The following IL1R1 variants were observed in gnomAD, a reference collection of about 807,000 sequenced individuals.
IL1R1 encodes the protein interleukin-1 receptor type 1.
IL1R1 carries 22 observed loss-of-function variants against 50.2 expected under a neutral mutation model. That is an observed-to-expected ratio of 0.44 (90% CI 0.31 to 0.63). The LOEUF (loss-of-function observed/expected upper bound fraction) is 0.63, where lower values mean the gene tolerates loss of function less well. IL1R1 is among the 20% of genes least tolerant of loss of function. IL1R1 has a pLI of 0.07. For synonymous variants in IL1R1, 251 were observed against 236.7 expected (o/e 1.06, Z -0.55); for missense variants, 509 against 676.2 (o/e 0.75, Z 2.74).
At chr2:102,076,282 A>T (rs565709779) in intron 1 of IL1R1, among the ~76,000 whole-genome samples, 29 of 150,884 alleles carry the variant, frequency 1.9e-4, no homozygotes, top group Non-Finnish European at 1.3e-4. Context: ...GGTTCACACC[A>T]TTCTCCTGCC....
rs569906944 is a variant in IL1R1 at position 102,176,220 on chromosome 2, C to G, written c.1304-133C>G. On this transcript the variant is annotated intron_variant, in intron 11 of 11. Coordinates refer to ENST00000410023, the MANE Select transcript of IL1R1 (RefSeq NM_000877.4). ...AATTAATTAAAAACATGGGAAACTC[C>G]TTTAATTTTAAGTAAGACAAGAAAA... The G allele has an allele frequency of 1.9e-5, 13 of 699,938 alleles. No homozygotes were observed. In the African/African-American group the frequency reaches 2.2e-4, roughly 12 times the overall value. 43.4% of individuals were successfully genotyped at this position (699,938 alleles called of 1,614,324 possible).
intron 1 of IL1R1, among the ~76,000 whole-genome samples, chr2:102,105,086 A>G (rs1289626599): frequency 6.6e-6 from 1 of 152,206 alleles, no homozygotes; most frequent in Non-Finnish European, 1.5e-5. Context: ...TTTCTGAGTC[A>G]TATTAGGAGA....
In IL1R1 at chr2:102,165,256, G is replaced by GT. The variant is rs1194024100; in HGVS notation, c.444dup (p.Lys149Ter). On this transcript the variant is annotated frameshift_variant, in exon 5 of 12. Coordinates refer to ENST00000410023, the MANE Select transcript of IL1R1 (RefSeq NM_000877.4). LOFTEE classifies it high-confidence loss of function. ...GAGGACTTGTGTGCCCTTATATGGA[G>GT]TTTTTTAAAAATGAAAATAATGAGT... The GT allele has an allele frequency of 6.3e-7, 1 of 1,587,472 alleles. No homozygotes were observed. Among genetic ancestry groups the GT allele is most frequent in the Non-Finnish European group, 8.5e-7 (1 of 1,172,398 alleles).
At chr2:102,072,515 ATTATC>A in intron 1 of IL1R1, among the ~76,000 whole-genome samples, 1 of 152,254 alleles carries the variant, frequency 6.6e-6, no homozygotes, top group African/African-American at 2.4e-5. Context: ...GCATTTTTCT[ATTATC>A]TTAATTCACA....
chr2:102,130,280 G>A (rs1350000740), intron 1 of IL1R1, among the ~76,000 whole-genome samples: 1 of 152,148 alleles, frequency 6.6e-6, no homozygotes, highest in South Asian at 2.1e-4. Context: ...ATAATATAAC[G>A]TATCTTTTTC....
chr2:102,165,443 A>G (rs1685103912), intron 5 of IL1R1, 139 bp downstream of exon 5: 2 of 460,934 alleles, frequency 4.3e-6, no homozygotes, highest in Non-Finnish European at 7.6e-6. Context: ...GGGAACCTAA[A>G]AAGAATTGTA....
intron 7 of IL1R1, among the ~76,000 whole-genome samples, chr2:102,170,106 AG>A (rs1184787780): frequency 1.3e-5 from 2 of 152,238 alleles, no homozygotes; most frequent in African/African-American, 4.8e-5. Flanking sequence ...GCTTCAAATT[AG>A]GAAATAATTA....
At chr2:102,128,614 T>C (rs1393259606) in intron 1 of IL1R1, among the ~76,000 whole-genome samples, 1 of 152,194 alleles carries the variant, frequency 6.6e-6, no homozygotes, top group Non-Finnish European at 1.5e-5. Flanking sequence ...GATAGTATAT[T>C]GTAGAGCTGG....
At chr2:102,141,160 G>A (rs1239097287), upstream of IL1R1, among the ~76,000 whole-genome samples, 6 of 152,190 alleles carry the variant, frequency 3.9e-5, no homozygotes, top group African/African-American at 1.4e-4. Context: ...ATTTGGACAC[G>A]TGGTTGAAGC....
chr2:102,167,258 A>G (rs192576355), intron 6 of IL1R1, among the ~76,000 whole-genome samples: 3 of 152,228 alleles, frequency 2.0e-5, no homozygotes, highest in African/African-American at 4.8e-5. Context: ...ATTCCTTGCC[A>G]TGGTCCCACA....
At chr2:102,141,930 C>T (rs1427614239), upstream of IL1R1, 1 of 152,250 alleles carries the variant, frequency 6.6e-6, no homozygotes, top group Admixed American at 6.5e-5. Flanking sequence ...TGTGATCCTG[C>T]CAGGCGTTCG....
intron 1 of IL1R1, among the ~76,000 whole-genome samples, chr2:102,088,433 C>A (rs1577813118): frequency 6.6e-6 from 1 of 151,354 alleles, no homozygotes; most frequent in East Asian, 1.9e-4. Context: ...TTTTTTTTTC[C>A]CCTGAGAACT....
chr2:102,112,668 T>C (rs1324073889), intron 1 of IL1R1, among the ~76,000 whole-genome samples: 2 of 152,196 alleles, frequency 1.3e-5, no homozygotes, highest in African/African-American at 4.8e-5. Context: ...TAGAAAAGTC[T>C]AGAAATGTAG....
intron 1 of IL1R1, among the ~76,000 whole-genome samples, chr2:102,119,181 T>C (rs1681266044): frequency 6.6e-6 from 1 of 152,198 alleles, no homozygotes. Context: ...TGTAACTTCA[T>C]GCTGACGTTA....
intron 1 of IL1R1, among the ~76,000 whole-genome samples, chr2:102,078,619 A>C (rs1679081497): frequency 6.6e-6 from 1 of 151,370 alleles, no homozygotes; most frequent in Admixed American, 6.6e-5. Flanking sequence ...AAAAGGAAAA[A>C]AGCCCATGCC....
chr2:102,084,910 T>C (rs1285461590), intron 1 of IL1R1, among the ~76,000 whole-genome samples: 1 of 152,270 alleles, frequency 6.6e-6, no homozygotes, highest in Non-Finnish European at 1.5e-5. Flanking sequence ...TTTTCTCTTA[T>C]TCATTTTCAC....
At chr2:102,145,428 A>G (rs1044885592) in intron 1 of IL1R1, among the ~76,000 whole-genome samples, 2 of 152,138 alleles carry the variant, frequency 1.3e-5, no homozygotes, top group African/African-American at 4.8e-5. Context: ...TTATCTCACC[A>G]GGTACTGAAA....
intron 1 of IL1R1, among the ~76,000 whole-genome samples, chr2:102,087,033 C>A (rs1679460297): frequency 6.6e-6 from 1 of 151,822 alleles, no homozygotes; most frequent in Admixed American, 6.6e-5. Context: ...AAGCAAGTCA[C>A]AATTTCTTTT....
intron 1 of IL1R1, among the ~76,000 whole-genome samples, chr2:102,150,825 T>TA (rs1263398667): frequency 3.9e-5 from 6 of 152,206 alleles, no homozygotes; most frequent in Non-Finnish European, 5.9e-5. Context: ...GAGAGGATGT[T>TA]AGCCAGTCCA....
Sources: gnomAD v4.1 joint callset for allele counts (sites outside exome capture counted in the v4.1 genomes callset) on GRCh38, gnomAD v4.1.1 for gene constraint, MANE v1.5 for transcripts, NCBI Gene and HGNC (gene_info 2026-07-23, HGNC 2026-07-21) for gene names.